The following KCNQ3 variants were observed in gnomAD, a reference collection of about 807,000 sequenced individuals.
KCNQ3 encodes the protein potassium voltage-gated channel subfamily KQT member 3.
Under a neutral mutation model 92.5 loss-of-function variants are expected in KCNQ3, and 30 were observed. The observed-to-expected ratio is 0.32, with a 90% CI of 0.24 to 0.44. The LOEUF (loss-of-function observed/expected upper bound fraction) is 0.44. Among genes scored for constraint, KCNQ3 ranks in the 20% least tolerant of loss-of-function variants. The probability of loss-of-function intolerance (pLI) is 1.00; values close to 1 mark genes in which losing one functional copy is unlikely to be tolerated. For synonymous variants in KCNQ3, 450 were observed against 468.8 expected, an observed-to-expected ratio of 0.96 and a Z score of 0.52; for missense variants, 913 against 1,140.3, an observed-to-expected ratio of 0.80 and a Z score of 2.87.
intron 1 of KCNQ3, among the ~76,000 whole-genome samples, chr8:132,353,324 G>A (rs963433561): frequency 2.6e-5 from 4 of 152,054 alleles, no homozygotes; most frequent in African/African-American, 4.8e-5. Context: ...AGGAAGGGAA[G>A]GAAGGGGAAG....
intron 1 of KCNQ3, among the ~76,000 whole-genome samples, chr8:132,394,451 C>T (rs76276113): frequency 0.14 from 21,962 of 152,074 alleles, 1,773 homozygotes; most frequent in African/African-American, 0.21. Flanking sequence ...CTCCCACCCC[C>T]CAAATTTTTT....
At chr8:132,422,379 A>T (rs73708461) in intron 1 of KCNQ3, among the ~76,000 whole-genome samples, 2,992 of 152,162 alleles carry the variant, frequency 0.02, 76 homozygotes, top group African/African-American at 0.069. Flanking sequence ...CTGGTTCCCC[A>T]CTAAGACTCA....
chr8:132,477,396 C>T (rs1018584172), intron 1 of KCNQ3, among the ~76,000 whole-genome samples: 2 of 150,400 alleles, frequency 1.3e-5, no homozygotes, highest in South Asian at 2.1e-4. Flanking sequence ...CTATGGTAAG[C>T]CCAATTTCCT....
At position 132,329,887 on chromosome 8, in the gene KCNQ3, G is replaced by A. The variant is rs1471528912; in HGVS notation, c.387-143706C>T. ...CTCATGAATTAGGCCCCCTGGAGTT[G>A]TTCAGTGCACACCCTGTGCAGCTGT... On this transcript the variant is annotated intron_variant, in intron 1 of 14. Transcript: ENST00000388996. Among the ~76,000 whole-genome samples, 4 of 152,220 alleles carry A rather than the reference G, an allele frequency of 2.6e-5. No homozygotes were observed. The South Asian group carries it at 8.3e-4, about 32-fold the overall frequency.
intron 9 of KCNQ3, among the ~76,000 whole-genome samples, chr8:132,160,973 C>T (rs1825967256): frequency 6.6e-6 from 1 of 152,002 alleles, no homozygotes; most frequent in African/African-American, 2.4e-5. Flanking sequence ...GTGTCAGCTG[C>T]CTTCACTTTC....
chr8:132,460,805 C>T lies in KCNQ3; in HGVS notation c.386+19342G>A, dbSNP rs79935129. Among the ~76,000 whole-genome samples, 1,257 of 152,296 alleles carry T rather than the reference C, an allele frequency of 8.3e-3. 22 individuals carry two copies. The highest frequency in any genetic ancestry group is 0.029 in the African/African-American group (1,195 of 41,552). On this transcript the variant is annotated intron_variant, in intron 1 of 14. Transcript: ENST00000388996. ...AGTTCTGTGGGTTTTGACGAATGCA[C>T]TAAGTCATGTATCCACCATTACGGA... is the stretch of plus-strand genomic sequence containing the variant.
chr8:132,180,476 C>T, intron 3 of KCNQ3, 147 bp from the exon 4 acceptor site: 1 of 796,726 alleles, frequency 1.3e-6, no homozygotes, highest in Non-Finnish European at 2.1e-6. Flanking sequence ...ATCTTGCCAC[C>T]AACAACACAT....
rs548826864 is a variant in KCNQ3 at position 132,269,600 on chromosome 8, C to T, written c.387-83419G>A. Among the ~76,000 whole-genome samples, 10 of 152,068 alleles carry T rather than the reference C, an allele frequency of 6.6e-5. No homozygotes were observed. In the South Asian group the frequency reaches 2.1e-3, roughly 32 times the overall value. On this transcript the variant is annotated intron_variant, in intron 1 of 14. Transcript: ENST00000388996. Reference sequence around the variant, plus strand: ...TTTTTTACATATCAAGTTGTTGTCACTCATGAGCATTGAAACAACCGAGCC... The same window carrying T: ...TTTTTTACATATCAAGTTGTTGTCATTCATGAGCATTGAAACAACCGAGCC...
intron 1 of KCNQ3, among the ~76,000 whole-genome samples, chr8:132,330,641 G>A (rs564970003): frequency 3.9e-5 from 6 of 152,284 alleles, no homozygotes; most frequent in African/African-American, 1.4e-4. Context: ...TCAAAATCTT[G>A]AGACCCCAAA....
chr8:132,225,172 T>G (rs1382806281), intron 1 of KCNQ3, among the ~76,000 whole-genome samples: 2 of 152,220 alleles, frequency 1.3e-5, no homozygotes, highest in East Asian at 3.8e-4. Flanking sequence ...TAAAGAATAT[T>G]GTGCCCAAAT....
chr8:132,411,846 G>A (rs1041032749), intron 1 of KCNQ3, among the ~76,000 whole-genome samples: 1 of 152,194 alleles, frequency 6.6e-6, no homozygotes, highest in African/African-American at 2.4e-5. Context: ...ATGGAGGGAT[G>A]GAGCCCAGCT....
intron 1 of KCNQ3, among the ~76,000 whole-genome samples, chr8:132,406,636 A>G (rs1404171039): frequency 6.6e-6 from 1 of 151,924 alleles, no homozygotes; most frequent in Admixed American, 6.6e-5. Flanking sequence ...GGACACGAAC[A>G]CACACACACA....
chr8:132,319,845 T>A (rs1210227952), intron 1 of KCNQ3, among the ~76,000 whole-genome samples: 2 of 152,206 alleles, frequency 1.3e-5, no homozygotes, highest in Non-Finnish European at 2.9e-5. Context: ...TATTCAGGAC[T>A]ATATGATGGA....
At chr8:132,419,819 G>C (rs1045983065) in intron 1 of KCNQ3, among the ~76,000 whole-genome samples, 1 of 152,158 alleles carries the variant, frequency 6.6e-6, no homozygotes, top group Non-Finnish European at 1.5e-5. Flanking sequence ...AACAACAACT[G>C]ATAAGTCCTG....
At chr8:132,419,855 G>A (rs572269064) in intron 1 of KCNQ3, among the ~76,000 whole-genome samples, 108 of 152,282 alleles carry the variant, frequency 7.1e-4, no homozygotes, top group African/African-American at 2.2e-3. Context: ...CTGTCTTACC[G>A]GAAAACCTGC....
chr8:132,346,310 C>A (rs576368628), intron 1 of KCNQ3, among the ~76,000 whole-genome samples: 1 of 152,322 alleles, frequency 6.6e-6, no homozygotes, highest in African/African-American at 2.4e-5. Flanking sequence ...GGCATTTCCA[C>A]ACTGGTTTTC....
At chr8:132,183,944 C>T (rs1420222524) in intron 3 of KCNQ3, among the ~76,000 whole-genome samples, 96 of 152,144 alleles carry the variant, frequency 6.3e-4, no homozygotes, top group Non-Finnish European at 1.0e-4. Flanking sequence ...ACTGGGGATG[C>T]TCAATATCCT....
chr8:132,472,716 TAAC>T (rs1822323258), intron 1 of KCNQ3, among the ~76,000 whole-genome samples: 1 of 152,094 alleles, frequency 6.6e-6, no homozygotes, highest in South Asian at 2.1e-4. Context: ...TGACCATAGT[TAAC>T]AACAATGTAT....
intron 14 of KCNQ3, 63 bp downstream of exon 14, chr8:132,132,117 G>T: frequency 6.5e-6 from 7 of 1,069,638 alleles, no homozygotes; most frequent in Non-Finnish European, 7.2e-6. Context: ...AGAAAAAAAA[G>T]AAATGGCATT....
Sources: gnomAD v4.1 joint callset for allele counts (sites outside exome capture counted in the v4.1 genomes callset) on GRCh38, gnomAD v4.1.1 for gene constraint, MANE v1.5 for transcripts, NCBI Gene and HGNC (gene_info 2026-07-23, HGNC 2026-07-21) for gene names.